ENOX1: variants seen among roughly 807,000 people sequenced by gnomAD.
ENOX1 encodes the protein ecto-NOX disulfide-thiol exchanger 1, also known as candidate growth-related and time keeping constitutive hydroquinone (NADH) oxidase.
Under a neutral mutation model 82.5 loss-of-function variants are expected in ENOX1, and 42 were observed. That is an observed-to-expected ratio of 0.51 (90% CI 0.40 to 0.66). The LOEUF (loss-of-function observed/expected upper bound fraction) is 0.66. ENOX1 is among the 30% of genes least tolerant of loss of function. The probability of loss-of-function intolerance (pLI) is 0.00; values close to 1 mark genes in which losing one functional copy is unlikely to be tolerated. For missense variants in ENOX1, 608 were observed against 811.6 expected (o/e 0.75, Z 3.05); for synonymous variants, 271 against 282.2 (o/e 0.96, Z 0.40).
intron 2 of ENOX1, among the ~76,000 whole-genome samples, chr13:43,592,424 A>G (rs527814387): frequency 3.0e-4 from 45 of 152,348 alleles, no homozygotes; most frequent in Admixed American, 2.0e-3. Flanking sequence ...ATTTATAGAT[A>G]ATTTAAAATA....
intron 12 of ENOX1, among the ~76,000 whole-genome samples, chr13:43,274,048 C>T (rs961651162): frequency 3.9e-5 from 6 of 152,136 alleles, no homozygotes; most frequent in African/African-American, 1.4e-4. Flanking sequence ...ACAAAAACAA[C>T]CCCCCAAAAC....
At chr13:43,354,666 T>G (rs568013186) in intron 8 of ENOX1, among the ~76,000 whole-genome samples, 14 of 152,266 alleles carry the variant, frequency 9.2e-5, no homozygotes, top group African/African-American at 3.4e-4. Flanking sequence ...GTTAATGGCT[T>G]CTCCACTGTT....
intron 3 of ENOX1, among the ~76,000 whole-genome samples, chr13:43,430,575 T>C (rs1322817009): frequency 3.3e-5 from 5 of 152,182 alleles, no homozygotes; most frequent in African/African-American, 1.2e-4. Context: ...CGGAGACTCA[T>C]ACTTATGTGA....
chr13:43,305,002 CCT>C (rs1368193743), intron 11 of ENOX1, among the ~76,000 whole-genome samples: 2 of 152,164 alleles, frequency 1.3e-5, no homozygotes, highest in African/African-American at 2.4e-5. Flanking sequence ...AACTCTGTCC[CCT>C]GAGTCTACTT....
chr13:43,488,571 C>G (rs574260509), intron 2 of ENOX1, among the ~76,000 whole-genome samples: 9 of 152,222 alleles, frequency 5.9e-5, no homozygotes, highest in East Asian at 1.9e-4. Context: ...AATGTAGAAA[C>G]AGCTTTGGAA....
intron 1 of ENOX1, among the ~76,000 whole-genome samples, chr13:43,732,140 C>T (rs1174777769): frequency 6.6e-6 from 1 of 152,226 alleles, no homozygotes; most frequent in East Asian, 1.9e-4. Flanking sequence ...CCTCCTCCTA[C>T]TTGGCTATCA....
At chr13:43,334,102 G>A (rs2048567548) in intron 9 of ENOX1, among the ~76,000 whole-genome samples, 3 of 152,220 alleles carry the variant, frequency 2.0e-5, no homozygotes, top group African/African-American at 7.2e-5. Flanking sequence ...TCTAGGGATG[G>A]GGCCCAACAG....
intron 5 of ENOX1, among the ~76,000 whole-genome samples, chr13:43,381,167 C>A (rs1470360149): frequency 6.6e-6 from 1 of 151,638 alleles, no homozygotes; most frequent in Non-Finnish European, 1.5e-5. Context: ...ATAAACCAAA[C>A]CTTAATAAAA....
At chr13:43,564,683 A>T (rs1352413538) in intron 2 of ENOX1, among the ~76,000 whole-genome samples, 2 of 152,182 alleles carry the variant, frequency 1.3e-5, no homozygotes, top group Non-Finnish European at 2.9e-5. Flanking sequence ...GAAAATGTTT[A>T]CTTATTCTTT....
At chr13:43,505,721 G>A (rs999854742) in intron 2 of ENOX1, among the ~76,000 whole-genome samples, 1 of 151,888 alleles carries the variant, frequency 6.6e-6, no homozygotes, top group African/African-American at 2.4e-5. Context: ...CTCTGATGGT[G>A]GTTTATTTTG....
chr13:43,330,882 C>T (rs764734862), intron 9 of ENOX1, among the ~76,000 whole-genome samples: 1 of 152,158 alleles, frequency 6.6e-6, no homozygotes, highest in African/African-American at 2.4e-5. Flanking sequence ...ATATATTCTT[C>T]CAATTTTAAA....
intron 11 of ENOX1, among the ~76,000 whole-genome samples, chr13:43,322,166 C>T (rs2047847477): frequency 1.3e-5 from 2 of 152,058 alleles, no homozygotes; most frequent in Admixed American, 1.3e-4. Context: ...GCTTAATGGC[C>T]CCAGATCTAC....
At chr13:43,642,496 A>G (rs1394368379) in intron 2 of ENOX1, among the ~76,000 whole-genome samples, 1 of 152,248 alleles carries the variant, frequency 6.6e-6, no homozygotes, top group East Asian at 1.9e-4. Flanking sequence ...CAGTATTTTT[A>G]GAAAAGCAAT....
chr13:43,688,823 T>C (rs181898927), intron 1 of ENOX1, among the ~76,000 whole-genome samples: 96 of 152,302 alleles, frequency 6.3e-4, no homozygotes, highest in Admixed American at 1.1e-3. Context: ...TCAATATACC[T>C]GAAATATATC....
At chr13:43,672,285 CTTTAG>C (rs1451630197) in intron 1 of ENOX1, among the ~76,000 whole-genome samples, 2 of 152,148 alleles carry the variant, frequency 1.3e-5, no homozygotes, top group East Asian at 3.8e-4. Flanking sequence ...TTTGTAAAAA[CTTTAG>C]TTAAGTACTT....
intron 2 of ENOX1, among the ~76,000 whole-genome samples, chr13:43,550,557 G>C (rs1192808646): frequency 6.6e-6 from 1 of 152,144 alleles, no homozygotes; most frequent in Non-Finnish European, 1.5e-5. Context: ...CTACTTGACT[G>C]CAGATAAGGT....
chr13:43,400,140 C>T (rs769892539), intron 5 of ENOX1, among the ~76,000 whole-genome samples: 1 of 152,150 alleles, frequency 6.6e-6, no homozygotes, highest in African/African-American at 2.4e-5. Context: ...TGGGAGGACA[C>T]AACAGTGCTG....
intron 1 of ENOX1, among the ~76,000 whole-genome samples, chr13:43,765,172 G>T (rs1566898450): frequency 6.6e-6 from 1 of 152,106 alleles, no homozygotes; most frequent in Non-Finnish European, 1.5e-5. Flanking sequence ...ATATATAGAG[G>T]GTGCTAATGA....
At chr13:43,454,621 T>A (rs2057133472) in intron 3 of ENOX1, among the ~76,000 whole-genome samples, 1 of 152,080 alleles carries the variant, frequency 6.6e-6, no homozygotes, top group Non-Finnish European at 1.5e-5. Flanking sequence ...TTCCAGTGGG[T>A]TAAATGGCAA....
Sources: gnomAD v4.1 joint callset for allele counts (sites outside exome capture counted in the v4.1 genomes callset) on GRCh38, gnomAD v4.1.1 for gene constraint, MANE v1.5 for transcripts, NCBI Gene and HGNC (gene_info 2026-07-23, HGNC 2026-07-21) for gene names.